HECW1: variants seen among roughly 807,000 people sequenced by gnomAD.
The protein encoded by HECW1 is HECT, C2 and WW domain containing E3 ubiquitin protein ligase 1, also known as E3 ubiquitin-protein ligase HECW1.
HECW1 carries 61 observed loss-of-function variants against 182.3 expected under a neutral mutation model. That is an observed-to-expected ratio of 0.33 (90% CI 0.27 to 0.41). HECW1 has a LOEUF of 0.41. Ranked by LOEUF, HECW1 falls within the 10% of genes least tolerant of loss-of-function variation. The probability of loss-of-function intolerance (pLI) is 1.00; values close to 1 mark genes in which losing one functional copy is unlikely to be tolerated. For missense variants in HECW1, 1,739 were observed against 2,108.9 expected (o/e 0.82, Z 3.44); for synonymous variants, 859 against 832.6 (o/e 1.03, Z -0.55).
In HECW1 at chr7:43,452,124, G is replaced by A. The variant is rs1026458101; in HGVS notation, c.2500+1195G>A. Among the ~76,000 whole-genome samples the A allele has an allele frequency of 5.9e-5, 9 of 152,234 alleles. No individual in the cohort carries two copies. In the East Asian group the frequency reaches 1.5e-3, roughly 26 times the overall value. On this transcript the variant is annotated intron_variant, in intron 12 of 29. Coordinates refer to ENST00000395891, the MANE Select transcript of HECW1 (RefSeq NM_015052.5). ...TCATGTCCTTGAACTTTTGATGCCTGATTTCTTTCTTTCTTTATACACTGA... is the reference window on the plus strand; with the variant it reads ...TCATGTCCTTGAACTTTTGATGCCTAATTTCTTTCTTTCTTTATACACTGA...
At chr7:43,245,840 T>A (rs999084292) in intron 3 of HECW1, 2 of 152,152 alleles carry the variant, frequency 1.3e-5, no homozygotes, top group Non-Finnish European at 2.9e-5. Flanking sequence ...CCAGGTTTCC[T>A]GGAAGTTAAA....
In HECW1 at chr7:43,219,482, G is replaced by A. The variant is rs554061027; in HGVS notation, c.-31-24393G>A. Among the ~76,000 whole-genome samples, 6 of 152,094 alleles carry A rather than the reference G, an allele frequency of 3.9e-5. 1 individual carries two copies. The highest frequency in any genetic ancestry group is 2.1e-4 in the South Asian group (1 of 4,810). Reference sequence around the variant, plus strand: ...AGGGCTTTATTCAGCTGGGAGCTTCGGCAAGACTCCTGTCTCCAACAACCG... The same window carrying A: ...AGGGCTTTATTCAGCTGGGAGCTTCAGCAAGACTCCTGTCTCCAACAACCG... On this transcript the variant is annotated intron_variant, in intron 2 of 29. Transcript: ENST00000395891.
At chr7:43,482,878 C>T (rs2078488683) in intron 17 of HECW1, among the ~76,000 whole-genome samples, 1 of 152,082 alleles carries the variant, frequency 6.6e-6, no homozygotes, top group African/African-American at 2.4e-5. Flanking sequence ...GCACTCCAGC[C>T]TAGGCAACAG....
At position 43,564,409 on chromosome 7, in the gene HECW1, C is replaced by T. The variant is rs2082282781; in HGVS notation, c.*2483C>T. The T allele has an allele frequency of 5.5e-6, 1 of 182,400 alleles. No homozygotes were observed. The highest frequency in any genetic ancestry group is 1.2e-5 in the Non-Finnish European group (1 of 85,614). The allele number at this position is 182,400 out of a possible 1,614,324, so 11.3% of individuals were successfully genotyped here. On this transcript the variant is annotated 3_prime_UTR_variant, in exon 30 of 30. Transcript: ENST00000395891. ...TTAATTAGATTAATTAATATCTAAT[C>T]TACCCATATACAAAAGGAATGCAGT...
chr7:43,215,088 A>AC (rs1402480681), intron 2 of HECW1, among the ~76,000 whole-genome samples: 1 of 152,256 alleles, frequency 6.6e-6, no homozygotes, highest in Non-Finnish European at 1.5e-5. Context: ...ATTTTAAAAA[A>AC]TGTAAGGATT....
Position 43,437,996 on chromosome 7 carries a change from A to T in HECW1, c.802-7A>T, listed in dbSNP as rs772867504. 1 of 1,613,920 alleles carries T rather than the reference A, an allele frequency of 6.2e-7. No homozygotes were observed. The highest frequency in any genetic ancestry group is 2.2e-5 in the East Asian group (1 of 44,886). Reference sequence around the variant, plus strand: ...GTTAATTGATGTGACATATTCTTTCATTGCAGCAATTCAGTTTTGTGTCCT... The same window carrying T: ...GTTAATTGATGTGACATATTCTTTCTTTGCAGCAATTCAGTTTTGTGTCCT... On this transcript the variant is annotated splice_region_variant and splice_polypyrimidine_tract_variant and intron_variant, in intron 8 of 29. Coordinates refer to ENST00000395891, the MANE Select transcript of HECW1 (RefSeq NM_015052.5).
At chr7:43,360,021 C>G (rs1815662471) in intron 5 of HECW1, among the ~76,000 whole-genome samples, 1 of 152,174 alleles carries the variant, frequency 6.6e-6, no homozygotes, top group Admixed American at 6.5e-5. Flanking sequence ...ATCACAATCA[C>G]TAACATTTAC....
chr7:43,300,070 A>G (rs1394860113), intron 3 of HECW1, among the ~76,000 whole-genome samples: 1 of 152,098 alleles, frequency 6.6e-6, no homozygotes, highest in Non-Finnish European at 1.5e-5. Context: ...CCTCGTTGTG[A>G]TTTCTTTCTT....
At chr7:43,223,968 C>T (rs1210446432) in intron 2 of HECW1, among the ~76,000 whole-genome samples, 1 of 152,226 alleles carries the variant, frequency 6.6e-6, no homozygotes, top group Non-Finnish European at 1.5e-5. Context: ...ACCCTTTCAA[C>T]AGCCTCCCAT....
chr7:43,200,282 T>C (rs945329278), intron 2 of HECW1, among the ~76,000 whole-genome samples: 1 of 152,244 alleles, frequency 6.6e-6, no homozygotes, highest in Non-Finnish European at 1.5e-5. Context: ...TTAGAAAAAG[T>C]AAGATTGAAA....
chr7:43,137,969 T>C (rs887817158), intron 2 of HECW1, among the ~76,000 whole-genome samples: 28 of 152,134 alleles, frequency 1.8e-4, no homozygotes, highest in African/African-American at 6.5e-4. Context: ...CCGGCCATTA[T>C]ATACTGAATA....
chr7:43,236,896 G>T (rs964332269), intron 2 of HECW1, among the ~76,000 whole-genome samples: 2 of 152,090 alleles, frequency 1.3e-5, no homozygotes, highest in African/African-American at 2.4e-5. Flanking sequence ...TGGGAAGCAG[G>T]TTTGCCTGCC....
intron 3 of HECW1, among the ~76,000 whole-genome samples, chr7:43,304,037 G>A (rs775091745): frequency 1.1e-4 from 17 of 152,244 alleles, no homozygotes; most frequent in Admixed American, 4.6e-4. Context: ...TTAGCCTAAC[G>A]AATTGTTTCC....
At chr7:43,205,616 T>C (rs969013126) in intron 2 of HECW1, among the ~76,000 whole-genome samples, 1 of 152,188 alleles carries the variant, frequency 6.6e-6, no homozygotes, top group Non-Finnish European at 1.5e-5. Context: ...AGGCTCATTG[T>C]GTCTGCAGTA....
At chr7:43,120,109 G>A (rs914113056) in intron 2 of HECW1, among the ~76,000 whole-genome samples, 3 of 152,172 alleles carry the variant, frequency 2.0e-5, no homozygotes, top group Non-Finnish European at 2.9e-5. Context: ...TGGACATTGT[G>A]TTACTTCTTT....
Position 43,243,651 on chromosome 7 carries a change from A to T in HECW1, c.-31-224A>T, listed in dbSNP as rs1280219077. Among the ~76,000 whole-genome samples the T allele has an allele frequency of 6.6e-6, 1 of 152,180 alleles. No individual in the cohort carries two copies. Among genetic ancestry groups the T allele is most frequent in the Non-Finnish European group, 1.5e-5 (1 of 68,028 alleles). The stretch of plus-strand genomic sequence containing the variant: ...CTCATTCCTTAAATTAAAATTTAAA[A>T]TCAAATCAAATTACTTATGGCACAG... On this transcript the variant is annotated intron_variant, in intron 2 of 29. Transcript: ENST00000395891. The surrounding 1 kb of genome is among the most constrained non-coding windows in gnomAD (Gnocchi z 4.0).
intron 24 of HECW1, among the ~76,000 whole-genome samples, chr7:43,540,270 C>G (rs1255168775): frequency 6.6e-6 from 1 of 152,148 alleles, no homozygotes; most frequent in African/African-American, 2.4e-5. Flanking sequence ...AAATTCACCA[C>G]TAAATCCCCG....
intron 2 of HECW1, among the ~76,000 whole-genome samples, chr7:43,120,403 G>T (rs1785477181): frequency 6.6e-6 from 1 of 151,978 alleles, no homozygotes; most frequent in Non-Finnish European, 1.5e-5. Context: ...CACGCAATTT[G>T]TTACATAGTT....
chr7:43,550,712 A>G (rs1186748932), intron 27 of HECW1, 121 bp downstream of exon 27: 23 of 1,004,680 alleles, frequency 2.3e-5, no homozygotes, highest in Non-Finnish European at 3.4e-5. Flanking sequence ...GGGAGAGCCA[A>G]GGTGGGCAGT....
Sources: allele counts gnomAD v4.1 joint callset (sites outside exome capture counted in the v4.1 genomes callset), GRCh38; gene constraint gnomAD v4.1.1; non-coding constraint Gnocchi (gnomAD v3.1); transcripts MANE v1.5; gene names NCBI Gene and HGNC (gene_info 2026-07-23, HGNC 2026-07-21).